TMEM38B: variants seen among roughly 807,000 people sequenced by gnomAD.
The protein encoded by TMEM38B is transmembrane protein 38B, also known as trimeric intracellular cation channel type B.
A neutral mutation model predicts 28.7 loss-of-function variants in TMEM38B; 24 were observed. That is an observed-to-expected ratio of 0.84 (90% CI 0.61 to 1.18). TMEM38B has a LOEUF of 1.18. TMEM38B is among the 50% of genes most tolerant of loss of function. The probability of loss-of-function intolerance (pLI) is 0.00; values close to 1 mark genes in which losing one functional copy is unlikely to be tolerated. For missense variants in TMEM38B, 380 were observed against 350.9 expected, an observed-to-expected ratio of 1.08 and a Z score of -0.66; for synonymous variants, 131 against 127.7, an observed-to-expected ratio of 1.03 and a Z score of -0.17.
intron 5 of TMEM38B, among the ~76,000 whole-genome samples, chr9:105,765,756 A>ATATG (rs538032943): frequency 2.6e-5 from 4 of 152,128 alleles, no homozygotes; most frequent in Non-Finnish European, 5.9e-5. Context: ...GCTGCTATGA[A>ATATG]TATGTGTACA....
Position 105,719,400 on chromosome 9 carries a change from A to G in TMEM38B, c.270-2137A>G, listed in dbSNP as rs547865085. 4.6e-5 allele frequency among the ~76,000 whole-genome samples: 7 copies of G among 152,288 alleles called. No individual in the cohort carries two copies. In the South Asian group the frequency reaches 1.4e-3, roughly 32 times the overall value. On this transcript the variant is annotated intron_variant, in intron 2 of 5. Coordinates refer to ENST00000374692, the MANE Select transcript of TMEM38B (RefSeq NM_018112.3). The stretch of plus-strand genomic sequence containing the variant: ...TTTAGTTAAAGGTGAAATTATGTTT[A>G]CAGAAGGGTTACAAGGTTATTACCT...
chr9:105,755,903 G>C (rs115463769), intron 5 of TMEM38B, among the ~76,000 whole-genome samples: 3,523 of 152,228 alleles, frequency 0.023, 135 homozygotes, highest in African/African-American at 0.081. Context: ...CAACCTTGCT[G>C]AACTCATTTA....
At chr9:105,732,611 A>T (rs1031434651) in intron 4 of TMEM38B, among the ~76,000 whole-genome samples, 4 of 151,952 alleles carry the variant, frequency 2.6e-5, no homozygotes, top group Non-Finnish European at 5.9e-5. Context: ...CAAAGATCAG[A>T]TGGTTTTATA....
chr9:105,698,257 G>A (rs1299598158), intron 1 of TMEM38B, among the ~76,000 whole-genome samples: 1 of 151,864 alleles, frequency 6.6e-6, no homozygotes, highest in East Asian at 1.9e-4. Flanking sequence ...GTGTTTTGTT[G>A]AATACTAATG....
chr9:105,727,053 T>C (rs915291710), intron 4 of TMEM38B, among the ~76,000 whole-genome samples: 1 of 152,196 alleles, frequency 6.6e-6, no homozygotes, highest in African/African-American at 2.4e-5. Context: ...TAGTTTCTTA[T>C]TTTGTGTGTG....
intron 4 of TMEM38B, among the ~76,000 whole-genome samples, chr9:105,733,315 C>T (rs952440989): frequency 1.3e-5 from 2 of 151,978 alleles, no homozygotes; most frequent in Non-Finnish European, 2.9e-5. Flanking sequence ...TGATGGACAC[C>T]TAGGTGGTTC....
chr9:105,754,896 G>T (rs1435217739), intron 5 of TMEM38B, among the ~76,000 whole-genome samples: 1 of 152,082 alleles, frequency 6.6e-6, no homozygotes, highest in Non-Finnish European at 1.5e-5. Context: ...GAAAAACAGA[G>T]AAGAATCAAA....
chr9:105,726,147 C>T (rs1836503423), intron 4 of TMEM38B, among the ~76,000 whole-genome samples: 1 of 151,952 alleles, frequency 6.6e-6, no homozygotes, highest in African/African-American at 2.4e-5. Flanking sequence ...CATTCTAATT[C>T]TACTCTTTTA....
At chr9:105,735,861 C>T (rs1836953232) in intron 4 of TMEM38B, among the ~76,000 whole-genome samples, 2 of 151,874 alleles carry the variant, frequency 1.3e-5, no homozygotes, top group South Asian at 4.1e-4. Flanking sequence ...CAGCAATTTT[C>T]ATTTATTAAA....
chr9:105,734,359 CAT>C (rs200856470), intron 4 of TMEM38B, among the ~76,000 whole-genome samples: 1,653 of 152,188 alleles, frequency 0.011, 31 homozygotes, highest in African/African-American at 0.034. Flanking sequence ...TGCAGCCTAA[CAT>C]GTGGTCCATC....
At chr9:105,744,865 G>A (rs1837332706) in intron 4 of TMEM38B, among the ~76,000 whole-genome samples, 1 of 152,110 alleles carries the variant, frequency 6.6e-6, no homozygotes, top group Non-Finnish European at 1.5e-5. Context: ...GCGATAGTTT[G>A]CTGAGAATGA....
At chr9:105,715,012 C>T (rs561812210) in intron 2 of TMEM38B, among the ~76,000 whole-genome samples, 3 of 152,112 alleles carry the variant, frequency 2.0e-5, no homozygotes, top group Non-Finnish European at 4.4e-5. Flanking sequence ...TTCCCTGTTA[C>T]ATATATATCT....
chr9:105,705,401 A>C (rs1835617464), intron 1 of TMEM38B, among the ~76,000 whole-genome samples, 196 bp from the exon 2 acceptor site: 1 of 152,224 alleles, frequency 6.6e-6, no homozygotes, highest in Non-Finnish European at 1.5e-5. Context: ...AAAATCACCC[A>C]TTAACAAAAT....
intron 1 of TMEM38B, 114 bp downstream of exon 1, chr9:105,694,886 A>G (rs997510787): frequency 4.8e-6 from 4 of 825,828 alleles, no homozygotes; most frequent in East Asian, 5.4e-5. Context: ...GCTAGCCCAG[A>G]CAGTTCGATG....
intron 4 of TMEM38B, among the ~76,000 whole-genome samples, chr9:105,745,991 G>A (rs937568919): frequency 2.6e-4 from 40 of 152,126 alleles, no homozygotes; most frequent in Non-Finnish European, 2.5e-4. Flanking sequence ...TAGCCTTGTA[G>A]TATAGTTTGA....
chr9:105,725,670 T>C (rs890391197), intron 4 of TMEM38B, among the ~76,000 whole-genome samples: 1 of 152,130 alleles, frequency 6.6e-6, no homozygotes, highest in Non-Finnish European at 1.5e-5. Flanking sequence ...AATTTTAACG[T>C]AGTAGTAGGT....
intron 5 of TMEM38B, among the ~76,000 whole-genome samples, chr9:105,772,949 A>G (rs1469843368): frequency 6.6e-6 from 1 of 152,020 alleles, no homozygotes; most frequent in African/African-American, 2.4e-5. Flanking sequence ...CCCACACTGT[A>G]TTGCAACTAG....
intron 1 of TMEM38B, among the ~76,000 whole-genome samples, chr9:105,698,083 T>C (rs1210882745): frequency 2.0e-5 from 3 of 151,234 alleles, no homozygotes; most frequent in Non-Finnish European, 4.4e-5. Context: ...CTCTGGAATG[T>C]CCTTAGTTCT....
chr9:105,748,161 C>G lies in TMEM38B; in HGVS notation c.631C>G (p.Leu211Val). The G allele has an allele frequency of 6.2e-7, 1 of 1,613,020 alleles. No individual in the cohort carries two copies. The highest frequency in any genetic ancestry group is 1.1e-5 in the South Asian group (1 of 90,970). Residue 211 changes from leucine (L) to valine (V), a missense_variant, in exon 5 of 6, where the codon CTT becomes GTT. Leu to Val is a conservative substitution (Grantham distance 32, BLOSUM62 1). Coordinates refer to ENST00000374692, the MANE Select transcript of TMEM38B (RefSeq NM_018112.3). ...LAISKHNLMF[L>V]YTIFIVATKI... ...AATATCAAAGCATAATCTTATGTTC[C>G]TTTATACCATCTTTATTGTGGCCAC...
Sources: allele counts gnomAD v4.1 joint callset (sites outside exome capture counted in the v4.1 genomes callset), GRCh38; gene constraint gnomAD v4.1.1; transcripts MANE v1.5; gene names NCBI Gene and HGNC (gene_info 2026-07-23, HGNC 2026-07-21).